MLLT3: variants seen among roughly 807,000 people sequenced by gnomAD.
MLLT3 encodes the protein protein AF-9.
A neutral mutation model predicts 53.2 loss-of-function variants in MLLT3; 4 were observed. The observed-to-expected ratio is 0.08, with a 90% CI of 0.04 to 0.17. The LOEUF (loss-of-function observed/expected upper bound fraction) is 0.17, where lower values mean the gene tolerates loss of function less well. MLLT3 is among the 10% of genes least tolerant of loss of function. The pLI, the probability that MLLT3 is intolerant of heterozygous loss-of-function variation, is 1.00. For synonymous variants in MLLT3, 283 were observed against 230.6 expected (o/e 1.23, Z -2.06); for missense variants, 569 against 684.0 (o/e 0.83, Z 1.87).
At chr9:20,556,827 T>A (rs549874356) in intron 2 of MLLT3, among the ~76,000 whole-genome samples, 1 of 152,236 alleles carries the variant, frequency 6.6e-6, no homozygotes, top group East Asian at 1.9e-4. Context: ...AATGTTAGAT[T>A]TTTCATCAGC....
At chr9:20,430,696 T>A (rs1223147189) in intron 4 of MLLT3, among the ~76,000 whole-genome samples, 1 of 152,120 alleles carries the variant, frequency 6.6e-6, no homozygotes, top group East Asian at 1.9e-4. Context: ...GACCTTGGTA[T>A]AGGAGAATAT....
chr9:20,543,213 T>G (rs1180679758), intron 2 of MLLT3, among the ~76,000 whole-genome samples: 1 of 152,222 alleles, frequency 6.6e-6, no homozygotes, highest in Non-Finnish European at 1.5e-5. Context: ...TTTAGTTTCC[T>G]GCAAGAAATT....
Position 20,345,190 on chromosome 9 carries a change from A to G in MLLT3, c.*1253T>C. Reference sequence around the variant, plus strand: ...CCAACCGTCTTTCACCAATACAAGAAATCCTTCTGGAAATATTAGCAAGCA... The same window carrying G: ...CCAACCGTCTTTCACCAATACAAGAGATCCTTCTGGAAATATTAGCAAGCA... On this transcript the variant is annotated 3_prime_UTR_variant, in exon 11 of 11. Coordinates refer to ENST00000380338, the MANE Select transcript of MLLT3 (RefSeq NM_004529.4). 4.4e-6 allele frequency: 1 copy of G among 226,274 alleles called. No homozygotes were observed. Among genetic ancestry groups the G allele is most frequent in the Non-Finnish European group, 8.8e-6 (1 of 113,682 alleles). The allele number at this position is 226,274 out of a possible 1,614,324, so 14.0% of individuals were successfully genotyped here.
chr9:20,355,286 C>T (rs1346093612), intron 8 of MLLT3, among the ~76,000 whole-genome samples: 1 of 152,086 alleles, frequency 6.6e-6, no homozygotes, highest in Non-Finnish European at 1.5e-5. Flanking sequence ...TACTAGTGTT[C>T]AGTATGCTAG....
chr9:20,372,392 A>AT, intron 5 of MLLT3, among the ~76,000 whole-genome samples: 1 of 151,676 alleles, frequency 6.6e-6, no homozygotes, highest in Non-Finnish European at 1.5e-5. Context: ...GCATTGTCTT[A>AT]TTTTCTTTCT....
intron 2 of MLLT3, among the ~76,000 whole-genome samples, chr9:20,495,372 G>A (rs546836605): frequency 5.9e-5 from 9 of 152,294 alleles, no homozygotes; most frequent in Admixed American, 4.6e-4. Flanking sequence ...TTATCAGTCT[G>A]CACATTAAAG....
intron 2 of MLLT3, among the ~76,000 whole-genome samples, chr9:20,508,438 T>A (rs1385846718): frequency 3.9e-5 from 6 of 152,162 alleles, no homozygotes; most frequent in Admixed American, 3.9e-4. Flanking sequence ...GTGCCAACAC[T>A]ATCATCCCAG....
chr9:20,354,869 A>C lies in MLLT3; in HGVS notation c.1442T>G (p.Val481Gly). ...TTTGCTTTGCTTTATTGGACTTTTCACTTCAAGAATCTAGGGATCAAAGAG... is the reference window on the plus strand; with the variant it reads ...TTTGCTTTGCTTTATTGGACTTTTCCCTTCAAGAATCTAGGGATCAAAGAG... ...LKTNNNQILE[V>G]KSPIKQSKSD... The change falls in exon 9 of 11, where the codon GTG (valine) becomes GGG (glycine). Residue 481 changes from valine (V) to glycine (G), a missense_variant. Val to Gly is a moderately radical substitution (Grantham distance 109). Transcript: ENST00000380338. The C allele has an allele frequency of 1.9e-6, 3 of 1,611,692 alleles. No individual in the cohort carries two copies. In the East Asian group the frequency reaches 6.7e-5, roughly 36 times the overall value.
intron 2 of MLLT3, among the ~76,000 whole-genome samples, chr9:20,519,705 T>C (rs1467438089): frequency 1.3e-5 from 2 of 152,154 alleles, no homozygotes; most frequent in Non-Finnish European, 2.9e-5. Flanking sequence ...TAACAGATGC[T>C]GGCAAGGTTG....
chr9:20,402,422 T>C (rs1031633762), intron 5 of MLLT3, among the ~76,000 whole-genome samples: 4 of 152,112 alleles, frequency 2.6e-5, no homozygotes, highest in Non-Finnish European at 5.9e-5. Flanking sequence ...GGATGACTCA[T>C]TATATTTGTA....
rs904984917 is a variant in MLLT3 at position 20,621,213 on chromosome 9, G to T, written c.13-379C>A. ...CGGGGCGGTTTCCCGGCGTGGGAGG[G>T]GAGGTGGCTGGGACCCAGGGGGACC... On this transcript the variant is annotated intron_variant, in intron 1 of 10. Coordinates refer to ENST00000380338, the MANE Select transcript of MLLT3 (RefSeq NM_004529.4). This position sits in a 1 kb window ranked among gnomAD's most constrained non-coding sequence, Gnocchi z 7.0. Among the ~76,000 whole-genome samples, 7 of 152,214 alleles carry T rather than the reference G, an allele frequency of 4.6e-5. No homozygotes were observed. Among genetic ancestry groups the T allele is most frequent in the African/African-American group, 1.4e-4 (6 of 41,466 alleles).
intron 4 of MLLT3, chr9:20,418,183 A>G (rs1223852674): frequency 1.3e-5 from 2 of 152,234 alleles, no homozygotes; most frequent in African/African-American, 2.4e-5. Flanking sequence ...AGTGTGGTCC[A>G]AGAGGTTATG....
intron 2 of MLLT3, among the ~76,000 whole-genome samples, chr9:20,464,040 C>T (rs1824175192): frequency 6.6e-6 from 1 of 151,920 alleles, no homozygotes. Flanking sequence ...AGTATCACTT[C>T]CTAAAACAAT....
At chr9:20,387,296 TG>T (rs1237588590) in intron 5 of MLLT3, among the ~76,000 whole-genome samples, 1 of 152,214 alleles carries the variant, frequency 6.6e-6, no homozygotes, top group Non-Finnish European at 1.5e-5. Flanking sequence ...GTACCAGATT[TG>T]GTTCACAGGC....
rs1399337940 is a variant in MLLT3, at chr9:20,342,897, G to A, written c.*3546C>T. 1.6e-5 allele frequency: 3 copies of A among 181,980 alleles called. No homozygotes were observed. The highest frequency in any genetic ancestry group is 1.8e-4 in the East Asian group (2 of 11,230). The allele number at this position is 181,980 out of a possible 1,614,324, so 11.3% of individuals were successfully genotyped here. ...AGTACATAGCATTAGTACACAAAAC[G>A]CTAAAGGTGGAAAGTAATAAGCATA... On this transcript the variant is annotated 3_prime_UTR_variant, in exon 11 of 11. Transcript: ENST00000380338.
intron 2 of MLLT3, among the ~76,000 whole-genome samples, chr9:20,558,831 C>G (rs905196995): frequency 6.6e-6 from 1 of 152,244 alleles, no homozygotes; most frequent in Non-Finnish European, 1.5e-5. Flanking sequence ...TCAGCAAGCT[C>G]TGTTTCCACA....
At chr9:20,568,561 T>C (rs1038046896) in intron 2 of MLLT3, among the ~76,000 whole-genome samples, 5 of 152,114 alleles carry the variant, frequency 3.3e-5, no homozygotes, top group African/African-American at 1.2e-4. Context: ...TGTAGCAAGA[T>C]CCAAGCTTAA....
chr9:20,452,001 A>T (rs1214428052), intron 3 of MLLT3, among the ~76,000 whole-genome samples: 2 of 152,202 alleles, frequency 1.3e-5, no homozygotes, highest in African/African-American at 4.8e-5. Context: ...TGACCCTGAC[A>T]GCTCAAATAA....
chr9:20,485,546 T>C (rs1398456205), intron 2 of MLLT3, among the ~76,000 whole-genome samples: 1 of 152,228 alleles, frequency 6.6e-6, no homozygotes, highest in African/African-American at 2.4e-5. Flanking sequence ...TACACTTGTT[T>C]ATTTCTCACA....
Sources: allele counts gnomAD v4.1 joint callset (sites outside exome capture counted in the v4.1 genomes callset), GRCh38; gene constraint gnomAD v4.1.1; non-coding constraint Gnocchi (gnomAD v3.1); transcripts MANE v1.5; gene names NCBI Gene and HGNC (gene_info 2026-07-23, HGNC 2026-07-21).